Variants in CREB5 observed in about 807,000 individuals in gnomAD.
CREB5 encodes cyclic AMP-responsive element-binding protein 5.
Under a neutral mutation model 57.1 loss-of-function variants are expected in CREB5, and 19 were observed. The observed-to-expected ratio is 0.33, with a 90% CI of 0.23 to 0.49. The LOEUF (loss-of-function observed/expected upper bound fraction) is 0.49, where lower values mean the gene tolerates loss of function less well. Among genes scored for constraint, CREB5 ranks in the 20% least tolerant of loss-of-function variants. The probability of loss-of-function intolerance (pLI) is 0.99; values close to 1 mark genes in which losing one functional copy is unlikely to be tolerated. For missense variants in CREB5, 579 were observed against 671.6 expected, an observed-to-expected ratio of 0.86 and a Z score of 1.52; for synonymous variants, 238 against 238.3, an observed-to-expected ratio of 1.00 and a Z score of 0.01.
intron 4 of CREB5, among the ~76,000 whole-genome samples, chr7:28,508,027 A>G (rs184201256): frequency 6.6e-6 from 1 of 152,352 alleles, no homozygotes; most frequent in African/African-American, 2.4e-5. Flanking sequence ...GTGCAGAAGA[A>G]TAGAGCCAAT....
At chr7:28,640,099 G>A (rs1274429032) in intron 5 of CREB5, among the ~76,000 whole-genome samples, 1 of 152,112 alleles carries the variant, frequency 6.6e-6, no homozygotes, top group African/African-American at 2.4e-5. Flanking sequence ...AGCAGTGTAG[G>A]TGGGTGTGCC....
At chr7:28,742,902 A>T (rs1355154855) in intron 7 of CREB5, among the ~76,000 whole-genome samples, 3 of 151,662 alleles carry the variant, frequency 2.0e-5, no homozygotes, top group African/African-American at 7.3e-5. Context: ...CCTGCTTCAG[A>T]CTCCTGAGTA....
Position 28,804,390 on chromosome 7 carries a change from ACACCATCCT to A in CREB5, c.899_907del (p.His300_His302del). On this transcript the variant is annotated inframe_deletion, in exon 8 of 11. Transcript: ENST00000357727. ...ACCCACACCAGCACCAGCACCCAGC[ACACCATCCT>A]CACCCTCAACCCCATCACCAGCAGA... 6.2e-7 allele frequency: 1 copy of A among 1,613,768 alleles called. No homozygotes were observed. The highest frequency in any genetic ancestry group is 8.5e-7 in the Non-Finnish European group (1 of 1,179,850).
At chr7:28,795,222 T>G (rs1303796891) in intron 7 of CREB5, among the ~76,000 whole-genome samples, 1 of 152,232 alleles carries the variant, frequency 6.6e-6, no homozygotes, top group East Asian at 1.9e-4. Flanking sequence ...CCAAGCTATA[T>G]CTCCTCTAAG....
At chr7:28,366,135 C>T (rs1464230930) in intron 1 of CREB5, among the ~76,000 whole-genome samples, 3 of 152,174 alleles carry the variant, frequency 2.0e-5, no homozygotes, top group African/African-American at 7.2e-5. Flanking sequence ...CAACTTCACC[C>T]GCAAAAAATT....
At chr7:28,588,203 G>A (rs1796369109) in intron 5 of CREB5, among the ~76,000 whole-genome samples, 1 of 152,148 alleles carries the variant, frequency 6.6e-6, no homozygotes, top group South Asian at 2.1e-4. Flanking sequence ...CCTATACGTA[G>A]CGGTACTGTT....
chr7:28,524,261 G>A (rs776882906), intron 4 of CREB5, among the ~76,000 whole-genome samples: 1 of 151,520 alleles, frequency 6.6e-6, no homozygotes, highest in Non-Finnish European at 1.5e-5. Context: ...CAGATCACTT[G>A]AGGTCAGAAG....
intron 4 of CREB5, among the ~76,000 whole-genome samples, chr7:28,546,406 TAGG>T (rs1206309457): frequency 6.6e-6 from 1 of 152,220 alleles, no homozygotes; most frequent in Non-Finnish European, 1.5e-5. Context: ...GGAATAAACT[TAGG>T]AGTGGAATTT....
At chr7:28,381,242 AGTT>A (rs924565632) in intron 1 of CREB5, among the ~76,000 whole-genome samples, 5 of 152,214 alleles carry the variant, frequency 3.3e-5, no homozygotes, top group African/African-American at 1.2e-4. Context: ...GCAATGTAAC[AGTT>A]GTTAAACATC....
Position 28,434,106 on chromosome 7 carries a change from A to G in CREB5, c.3+21189A>G, listed in dbSNP as rs1788842931. On this transcript the variant is annotated intron_variant, in intron 1 of 10. Transcript: ENST00000357727. ...AATGACCTTCCTGATTCCGGCTCAG[A>G]GTGAGCAGAATTAGTTAACAAGGGC... 2.0e-5 allele frequency among the ~76,000 whole-genome samples: 3 copies of G among 152,036 alleles called. No homozygotes were observed. In the South Asian group the frequency reaches 6.2e-4, roughly 32 times the overall value.
chr7:28,707,634 A>G (rs764831815), intron 5 of CREB5, among the ~76,000 whole-genome samples: 3 of 152,220 alleles, frequency 2.0e-5, no homozygotes, highest in Non-Finnish European at 4.4e-5. Context: ...CCTTCTCCCT[A>G]GAAAGCAAGT....
chr7:28,508,673 A>T (rs189262860), intron 4 of CREB5, among the ~76,000 whole-genome samples: 1 of 152,296 alleles, frequency 6.6e-6, no homozygotes, highest in African/African-American at 2.4e-5. Context: ...CTCATGTCAT[A>T]ATAGTCAAGG....
At chr7:28,499,091 G>A (rs1386708455) in intron 3 of CREB5, among the ~76,000 whole-genome samples, 2 of 151,368 alleles carry the variant, frequency 1.3e-5, no homozygotes, top group Non-Finnish European at 2.9e-5. Flanking sequence ...ATGGTAGTAC[G>A]GGTAGGAACC....
At chr7:28,726,395 G>A (rs1307323363) in intron 7 of CREB5, among the ~76,000 whole-genome samples, 1 of 152,096 alleles carries the variant, frequency 6.6e-6, no homozygotes, top group Non-Finnish European at 1.5e-5. Context: ...ATGTCACTCA[G>A]CATCTCTGTT....
At position 28,507,621 on chromosome 7, in the gene CREB5, A is replaced by T; in HGVS notation, c.175A>T (p.Thr59Ser). The T allele has an allele frequency of 6.2e-7, 1 of 1,610,044 alleles. No homozygotes were observed. Among genetic ancestry groups the T allele is most frequent in the Non-Finnish European group, 8.5e-7 (1 of 1,177,044 alleles). Reference sequence around the variant, plus strand: ...CTCTCCGACTCTGTTTTCAGATCAAACTCCGACCCCAACGAGATTCCTGAA... The same window carrying T: ...CTCTCCGACTCTGTTTTCAGATCAATCTCCGACCCCAACGAGATTCCTGAA... ...IKTDNMLSDQ[T>S]PTPTRFLKNC... Residue 59 changes from threonine to serine, a missense_variant, in exon 4 of 11, where the codon ACT becomes TCT. Around this residue, in one of 3 missense-constraint regions of CREB5, gnomAD observed 459 missense variants for 515.7 expected, o/e 0.89. Transcript: ENST00000357727.
chr7:28,314,352 T>A (rs1785336960), intron 1 of CREB5, among the ~76,000 whole-genome samples: 1 of 152,218 alleles, frequency 6.6e-6, no homozygotes, highest in Non-Finnish European at 1.5e-5. Context: ...ATTCATTACT[T>A]TTTCCTTGGA....
At chr7:28,748,500 G>C (rs554400096) in intron 7 of CREB5, among the ~76,000 whole-genome samples, 1 of 152,322 alleles carries the variant, frequency 6.6e-6, no homozygotes, top group African/African-American at 2.4e-5. Flanking sequence ...CCAAGCCAAG[G>C]ACGACGAATT....
At chr7:28,440,132 C>T (rs995535076) in intron 1 of CREB5, among the ~76,000 whole-genome samples, 1 of 152,198 alleles carries the variant, frequency 6.6e-6, no homozygotes, top group South Asian at 2.1e-4. Context: ...CAGTTGTCCT[C>T]TCCACGTGAC....
intron 5 of CREB5, among the ~76,000 whole-genome samples, chr7:28,639,115 G>A (rs1374588422): frequency 6.6e-6 from 1 of 152,168 alleles, no homozygotes; most frequent in Non-Finnish European, 1.5e-5. Flanking sequence ...AGTTCCTCTA[G>A]ACTATTTGAA....
Sources: allele counts gnomAD v4.1 joint callset (sites outside exome capture counted in the v4.1 genomes callset), GRCh38; gene constraint gnomAD v4.1.1; regional missense constraint gnomAD v4.1.1; transcripts MANE v1.5; gene names NCBI Gene and HGNC (gene_info 2026-07-23, HGNC 2026-07-21).